EPHA6: variants seen among roughly 807,000 people sequenced by gnomAD.
The protein encoded by EPHA6 is EPH receptor A6.
Under a neutral mutation model 112.0 loss-of-function variants are expected in EPHA6, and 50 were observed. The ratio of observed to expected loss-of-function variants is 0.45; its 90% CI spans 0.36 to 0.56. The LOEUF is 0.56. EPHA6 is among the 20% of genes least tolerant of loss of function. The pLI, the probability that EPHA6 is intolerant of heterozygous loss-of-function variation, is 0.00. For synonymous variants in EPHA6, 529 were observed against 490.7 expected (o/e 1.08, Z -1.03); for missense variants, 1,280 against 1,417.4 (o/e 0.90, Z 1.56).
chr3:96,828,806 T>C (rs1039620419), intron 1 of EPHA6, among the ~76,000 whole-genome samples: 1 of 152,144 alleles, frequency 6.6e-6, no homozygotes, highest in Non-Finnish European at 1.5e-5. Flanking sequence ...CAGTCTAGAC[T>C]GTCCTTGCTG....
At chr3:97,663,168 T>C (rs2094181159) in intron 14 of EPHA6, among the ~76,000 whole-genome samples, 1 of 152,108 alleles carries the variant, frequency 6.6e-6, no homozygotes, top group African/African-American at 2.4e-5. Flanking sequence ...AGGAAAGAGA[T>C]CTGGAGAAGG....
chr3:96,925,541 T>C (rs1224848143), intron 2 of EPHA6, among the ~76,000 whole-genome samples: 1 of 152,102 alleles, frequency 6.6e-6, no homozygotes, highest in Non-Finnish European at 1.5e-5. Flanking sequence ...TCTTCTTTAT[T>C]AGTCTAGCTG....
intron 14 of EPHA6, among the ~76,000 whole-genome samples, chr3:97,657,946 C>G (rs984678635): frequency 2.6e-5 from 4 of 151,654 alleles, no homozygotes; most frequent in African/African-American, 9.7e-5. Flanking sequence ...CCTCCTCCAG[C>G]CTTACACATC....
rs370353562 is a variant in EPHA6, at chr3:97,497,924, CA to C, written c.2200+13866del. Among the ~76,000 whole-genome samples, 992 of 152,116 alleles carry C rather than the reference CA, an allele frequency of 6.5e-3. 12 individuals are homozygous for C. The highest frequency in any genetic ancestry group is 0.022 in the African/African-American group (912 of 41,502). ...AAGGATTTAGATAAGCAGTGATTGA[CA>C]GCAGATAAACCCATAAGAATTCAGG... On this transcript the variant is annotated intron_variant, in intron 10 of 17. Transcript: ENST00000389672.
intron 4 of EPHA6, among the ~76,000 whole-genome samples, chr3:97,237,166 G>T (rs77310201): frequency 0.012 from 1,758 of 146,326 alleles, 36 homozygotes; most frequent in African/African-American, 0.042. Context: ...ACGACAGTTT[G>T]TTTTTTTTGT....
chr3:97,519,317 T>C (rs1189117521), intron 10 of EPHA6, among the ~76,000 whole-genome samples: 1 of 152,218 alleles, frequency 6.6e-6, no homozygotes, highest in Non-Finnish European at 1.5e-5. Flanking sequence ...GATATGTGTA[T>C]ATATTTCTGC....
At chr3:97,064,557 T>G (rs140666523) in intron 3 of EPHA6, among the ~76,000 whole-genome samples, 1 of 152,310 alleles carries the variant, frequency 6.6e-6, no homozygotes, top group Non-Finnish European at 1.5e-5. Flanking sequence ...GTCCAGTGCC[T>G]GACACATAGT....
chr3:97,373,711 A>G (rs1258473113), intron 5 of EPHA6, among the ~76,000 whole-genome samples: 1 of 152,150 alleles, frequency 6.6e-6, no homozygotes, highest in Non-Finnish European at 1.5e-5. Context: ...TAAAGAAAAT[A>G]TATGATTCTG....
In EPHA6 at chr3:96,905,062, G is replaced by C. The variant is rs571739230; in HGVS notation, c.450+38173G>C. Among the ~76,000 whole-genome samples, 3 of 152,042 alleles carry C rather than the reference G, an allele frequency of 2.0e-5. No individual in the cohort carries two copies. The East Asian group carries it at 5.8e-4, about 29-fold the overall frequency. On this transcript the variant is annotated intron_variant, in intron 2 of 17. Coordinates refer to ENST00000389672, the MANE Select transcript of EPHA6 (RefSeq NM_001080448.3). ...ACTATTTATGAGAGTTTTGCCAAAG[G>C]AATGCAAAAAGAGTACATGTGACAT...
intron 1 of EPHA6, among the ~76,000 whole-genome samples, chr3:96,848,931 G>C (rs1484503523): frequency 1.3e-5 from 2 of 152,100 alleles, no homozygotes; most frequent in Non-Finnish European, 2.9e-5. Context: ...TACAGTCATA[G>C]ATGTAATTTG....
At chr3:97,289,872 G>C (rs1287576705) in intron 5 of EPHA6, among the ~76,000 whole-genome samples, 1 of 151,604 alleles carries the variant, frequency 6.6e-6, no homozygotes, top group South Asian at 2.1e-4. Flanking sequence ...CTCGGCTAGT[G>C]GTCTATTGAT....
rs920518340 is a variant in EPHA6 at position 97,044,411 on chromosome 3, A to G, written c.1114+56418A>G. Among the ~76,000 whole-genome samples, 3 of 152,166 alleles carry G rather than the reference A, an allele frequency of 2.0e-5. No homozygotes were observed. In the South Asian group the frequency reaches 6.2e-4, roughly 31 times the overall value. ...TGCCTTTAACCCTCTATGTTGTGTA[A>G]GGCAGGAAGGCTCAAAACCATTTTT... On this transcript the variant is annotated intron_variant, in intron 3 of 17. Transcript: ENST00000389672.
intron 2 of EPHA6, among the ~76,000 whole-genome samples, chr3:96,952,042 A>C (rs1412357241): frequency 2.6e-5 from 4 of 152,114 alleles, no homozygotes; most frequent in African/African-American, 7.2e-5. Context: ...TTGACAGTCA[A>C]GGTTCTTGGA....
chr3:97,168,463 A>G (rs111623313), intron 3 of EPHA6, among the ~76,000 whole-genome samples: 1,969 of 151,898 alleles, frequency 0.013, 28 homozygotes, highest in African/African-American at 0.044. Context: ...TGGTTGTTCA[A>G]AATTGTGTAG....
chr3:97,013,047 G>T (rs1424468005), intron 3 of EPHA6, among the ~76,000 whole-genome samples: 2 of 152,068 alleles, frequency 1.3e-5, no homozygotes, highest in Non-Finnish European at 2.9e-5. Context: ...TCTGTAGGTT[G>T]TCTGTTTACC....
intron 3 of EPHA6, among the ~76,000 whole-genome samples, chr3:97,134,622 C>A (rs1308291551): frequency 6.6e-6 from 1 of 152,022 alleles, no homozygotes; most frequent in African/African-American, 2.4e-5. Context: ...TACTATTATG[C>A]TTATGCTTTG....
chr3:97,017,019 G>A (rs1486844502), intron 3 of EPHA6, among the ~76,000 whole-genome samples: 2 of 152,088 alleles, frequency 1.3e-5, no homozygotes, highest in Non-Finnish European at 2.9e-5. Context: ...AAACAAATTT[G>A]TTAAGAACAT....
intron 3 of EPHA6, among the ~76,000 whole-genome samples, chr3:97,039,926 G>A (rs1269617230): frequency 6.6e-6 from 1 of 151,876 alleles, no homozygotes. Flanking sequence ...AGACAATGAA[G>A]AAGAAACATG....
rs112886541 is a variant in EPHA6 at position 97,627,368 on chromosome 3, G to A, written c.2575-10505G>A. Among the ~76,000 whole-genome samples, 454 of 151,886 alleles carry A rather than the reference G, an allele frequency of 3.0e-3. 4 individuals are homozygous for A. The highest frequency in any genetic ancestry group is 0.01 in the African/African-American group (421 of 41,496). Reference sequence around the variant, plus strand: ...AGGGAAAAGGCAAGTGGAGTTGAGAGTGGGTTTCAGGATTACATTGAGTGG... The same window carrying A: ...AGGGAAAAGGCAAGTGGAGTTGAGAATGGGTTTCAGGATTACATTGAGTGG... On this transcript the variant is annotated intron_variant, in intron 13 of 17. Coordinates refer to ENST00000389672, the MANE Select transcript of EPHA6 (RefSeq NM_001080448.3).
Sources: allele counts gnomAD v4.1 joint callset (sites outside exome capture counted in the v4.1 genomes callset), GRCh38; gene constraint gnomAD v4.1.1; transcripts MANE v1.5; gene names NCBI Gene and HGNC (gene_info 2026-07-23, HGNC 2026-07-21).